The following SLC8A1 variants were observed in gnomAD, a reference collection of about 807,000 sequenced individuals.
SLC8A1 encodes sodium/calcium exchanger 1.
Under a neutral mutation model 68.3 loss-of-function variants are expected in SLC8A1, and 18 were observed. The ratio of observed to expected loss-of-function variants is 0.26; its 90% CI spans 0.18 to 0.39. The LOEUF (loss-of-function observed/expected upper bound fraction) is 0.39. SLC8A1 is among the 10% of genes least tolerant of loss of function. SLC8A1 has a pLI of 1.00. For missense variants in SLC8A1, 985 were observed against 1,156.7 expected, an observed-to-expected ratio of 0.85 and a Z score of 2.15; for synonymous variants, 475 against 415.5, an observed-to-expected ratio of 1.14 and a Z score of -1.74.
chr2:40,382,931 C>A (rs925119768), intron 2 of SLC8A1, among the ~76,000 whole-genome samples: 2 of 152,008 alleles, frequency 1.3e-5, no homozygotes, highest in African/African-American at 4.8e-5. Flanking sequence ...ATTAATTCAT[C>A]TGAATAAACA....
chr2:40,338,223 T>C (rs1666612491), intron 2 of SLC8A1, among the ~76,000 whole-genome samples: 1 of 152,132 alleles, frequency 6.6e-6, no homozygotes, highest in African/African-American at 2.4e-5. Context: ...TCTTCAAGGA[T>C]TCATAGCAAG....
At chr2:40,169,660 G>T (rs1389380957) in intron 4 of SLC8A1, among the ~76,000 whole-genome samples, 1 of 152,252 alleles carries the variant, frequency 6.6e-6, no homozygotes, top group East Asian at 1.9e-4. Context: ...AAACTTCATG[G>T]TTGGGCACCA....
chr2:40,100,371 T>C (rs1398664139), exon 8 of SLC8A1: 2 of 151,986 alleles, frequency 1.3e-5, no homozygotes, highest in African/African-American at 4.8e-5. Context: ...AGAGTTTCTG[T>C]TAAAAAAAGA....
chr2:40,382,887 T>C (rs566994792), intron 2 of SLC8A1, among the ~76,000 whole-genome samples: 1 of 152,282 alleles, frequency 6.6e-6, no homozygotes, highest in Non-Finnish European at 1.5e-5. Flanking sequence ...AGAGGGATTC[T>C]ATTATAATTA....
chr2:40,177,943 T>C, intron 2 of SLC8A1: 2 of 862,326 alleles, frequency 2.3e-6, no homozygotes, highest in South Asian at 2.9e-5. Context: ...GTTACTGTGA[T>C]GTTATGGAGG....
At chr2:40,318,608 T>C (rs1267085859) in intron 2 of SLC8A1, among the ~76,000 whole-genome samples, 3 of 152,056 alleles carry the variant, frequency 2.0e-5, no homozygotes, top group African/African-American at 7.2e-5. Context: ...CCTCCAACCA[T>C]ATGGAGTATA....
At chr2:40,291,769 G>T (rs1575119923) in intron 2 of SLC8A1, among the ~76,000 whole-genome samples, 1 of 152,034 alleles carries the variant, frequency 6.6e-6, no homozygotes, top group South Asian at 2.1e-4. Context: ...TTATCCATTG[G>T]ATTTTTCAGT....
chr2:40,170,364 G>T lies in SLC8A1; in HGVS notation c.1930+4461C>A. 1.2e-6 allele frequency: 2 copies of T among 1,612,462 alleles called. No homozygotes were observed. Among genetic ancestry groups the T allele is most frequent in the Non-Finnish European group, 1.7e-6 (2 of 1,178,584 alleles). On this transcript the variant is annotated intron_variant, in intron 4 of 7. Coordinates refer to ENST00000406785, the Ensembl canonical transcript of SLC8A1. ...GACAGGTTGGCCTAGCAAAAGGACA[G>T]GCAGAAAAATCAGCAGAATGGATTG...
At chr2:40,454,285 A>C (rs1702857291), upstream of SLC8A1, among the ~76,000 whole-genome samples, 1 of 152,192 alleles carries the variant, frequency 6.6e-6, no homozygotes, top group Non-Finnish European at 1.5e-5. Flanking sequence ...AGAGAAAGCT[A>C]AATGAAAATG....
intron 2 of SLC8A1, among the ~76,000 whole-genome samples, chr2:40,258,657 A>G (rs981544342): frequency 6.6e-6 from 1 of 152,152 alleles, no homozygotes; most frequent in African/African-American, 2.4e-5. Context: ...CCTGGCCAAC[A>G]TGGTGAAACC....
chr2:40,198,106 T>C lies in SLC8A1; in HGVS notation c.1809-20251A>G, dbSNP rs375970491. 3.3e-5 allele frequency among the ~76,000 whole-genome samples: 5 copies of C among 151,970 alleles called. No homozygotes were observed. In the South Asian group the frequency reaches 6.2e-4, roughly 19 times the overall value. On this transcript the variant is annotated intron_variant, in intron 2 of 7. Coordinates refer to ENST00000406785, the Ensembl canonical transcript of SLC8A1. Reference sequence around the variant, plus strand: ...AACTTCTAGAAGGACTTGCCAACTCTGGTCAGTTGAAAAAGTCATTATATG... The same window carrying C: ...AACTTCTAGAAGGACTTGCCAACTCCGGTCAGTTGAAAAAGTCATTATATG...
chr2:40,493,650 ATTT>A (rs70957182), intron 1 of SLC8A1, among the ~76,000 whole-genome samples: 14,789 of 134,584 alleles, frequency 0.11, 1,355 homozygotes, highest in African/African-American at 0.24. Context: ...TTTCCTCAGT[ATTT>A]TTTTTTTTTT....
intron 2 of SLC8A1, among the ~76,000 whole-genome samples, chr2:40,292,150 C>T (rs913434284): frequency 1.3e-5 from 2 of 152,122 alleles, no homozygotes; most frequent in Non-Finnish European, 1.5e-5. Context: ...AAAAACTAAA[C>T]CATGAGACCA....
At chr2:40,231,695 G>A (rs941237787) in intron 2 of SLC8A1, among the ~76,000 whole-genome samples, 16 of 151,988 alleles carry the variant, frequency 1.1e-4, no homozygotes, top group African/African-American at 3.1e-4. Flanking sequence ...CACATAAATC[G>A]CACTTGGAAG....
At chr2:40,371,055 G>A (rs1367654584) in intron 2 of SLC8A1, among the ~76,000 whole-genome samples, 1 of 152,034 alleles carries the variant, frequency 6.6e-6, no homozygotes, top group Non-Finnish European at 1.5e-5. Context: ...GAAAGGTTTT[G>A]CTACATGGGG....
chr2:40,211,572 C>G (rs1377849049), intron 2 of SLC8A1, among the ~76,000 whole-genome samples: 1 of 152,126 alleles, frequency 6.6e-6, no homozygotes, highest in Non-Finnish European at 1.5e-5. Flanking sequence ...AAGAGAAACA[C>G]AAGCCAGAAA....
chr2:40,497,100 G>C (rs1328347530), intron 1 of SLC8A1, among the ~76,000 whole-genome samples: 3 of 152,068 alleles, frequency 2.0e-5, no homozygotes, highest in African/African-American at 2.4e-5. Flanking sequence ...TTAGAATTTA[G>C]TAGTCAGGTG....
chr2:40,442,223 AC>A (rs1700626575), intron 1 of SLC8A1, among the ~76,000 whole-genome samples: 1 of 151,348 alleles, frequency 6.6e-6, no homozygotes. Context: ...AATTAAAAAA[AC>A]AAACAAATGT....
intron 2 of SLC8A1, among the ~76,000 whole-genome samples, chr2:40,329,275 G>GT (rs2076172605): frequency 6.6e-6 from 1 of 152,100 alleles, no homozygotes; most frequent in Non-Finnish European, 1.5e-5. Context: ...CCAGACCTCT[G>GT]TCTCCACAAT....
Sources: allele counts gnomAD v4.1 joint callset (sites outside exome capture counted in the v4.1 genomes callset), GRCh38; gene constraint gnomAD v4.1.1; transcripts MANE v1.5; gene names NCBI Gene and HGNC (gene_info 2026-07-23, HGNC 2026-07-21).